Variants in TMEM101 observed in about 807,000 individuals in gnomAD.
The protein encoded by TMEM101 is putative NF-kappa-B-activating protein 130.
A neutral mutation model predicts 26.0 loss-of-function variants in TMEM101; 14 were observed. The ratio of observed to expected loss-of-function variants is 0.54; its 90% confidence interval spans 0.36 to 0.84. TMEM101 has a LOEUF of 0.84. Ranked by LOEUF, TMEM101 falls within the 40% of genes least tolerant of loss-of-function variation. The probability of loss-of-function intolerance (pLI) is 0.01; values close to 1 mark genes in which losing one functional copy is unlikely to be tolerated. For synonymous variants in TMEM101, 152 were observed against 145.1 expected (o/e 1.05, Z -0.34); for missense variants, 292 against 345.1 (o/e 0.85, Z 1.22).
intron 2 of TMEM101, 45 bp downstream of exon 2, chr17:44,014,312 C>A: frequency 6.5e-7 from 1 of 1,527,588 alleles, no homozygotes. Flanking sequence ...GCCTCTGATT[C>A]CCCGTCACCC....
At chr17:44,019,262 G>A (rs889166999), upstream of TMEM101, 2 of 403,590 alleles carry the variant, frequency 5.0e-6, no homozygotes, top group African/African-American at 4.2e-5. Context: ...TTCACCACCA[G>A]ACTGGGAAGC....
rs760023460 is a variant in TMEM101, at chr17:44,014,489, G to A, written c.186C>T (p.Ala62=). 1 of 1,568,098 alleles carries A rather than the reference G, an allele frequency of 6.4e-7. No homozygotes were observed. The highest frequency in any genetic ancestry group is 1.3e-5 in the African/African-American group (1 of 74,284). ...AGGACATGAAACTAGCGCACAGCACGGCTGCCCCCATGTCGAAATACAGGT... is the reference window on the plus strand; with the variant it reads ...AGGACATGAAACTAGCGCACAGCACAGCTGCCCCCATGTCGAAATACAGGT... ...VPYLYFDMGA[A]VLCASFMSFG... is the part of the protein sequence containing the mutation. Residue 62 remains alanine, a synonymous_variant, in exon 2 of 4, where the codon GCC becomes GCT. Transcript: ENST00000206380.
At position 44,012,940 on chromosome 17, in the gene TMEM101, G is replaced by A. The variant is rs539107192; in HGVS notation, c.465+69C>T. The A allele has an allele frequency of 1.5e-5, 22 of 1,443,700 alleles. 1 individual carries two copies. In the South Asian group the frequency reaches 3.3e-4, roughly 22 times the overall value. The allele number at this position is 1,443,700 out of a possible 1,614,324, so 89.4% of individuals were successfully genotyped here. A position where few individuals can be genotyped will look rare whatever the true frequency, so the allele number is the denominator to read the frequency against. On this transcript the variant is annotated intron_variant, in intron 3 of 3. Transcript: ENST00000206380. ...CTCGTTCTGTGTCTACCTTCCTGGG[G>A]TTCTGCCATGCCTAGACTCACAGTT...
chr17:44,021,056 G>T (rs532760238), intron 2 of TMEM101, among the ~76,000 whole-genome samples: 6 of 152,258 alleles, frequency 3.9e-5, no homozygotes, highest in Non-Finnish European at 5.9e-5. Flanking sequence ...TAGCTACAAG[G>T]TCAGCAGTCT....
chr17:44,011,888 A>C lies in TMEM101; in HGVS notation c.*40T>G. ...CAAGGAGGAAGGCAGGGTGACCCTC[A>C]GTGGCTCCCTGTGCCCATCTCAGCC... On this transcript the variant is annotated 3_prime_UTR_variant, in exon 4 of 4. Coordinates refer to ENST00000206380, the MANE Select transcript of TMEM101 (RefSeq NM_032376.4). 6.4e-7 allele frequency: 1 copy of C among 1,559,544 alleles called. No individual in the cohort carries two copies. The highest frequency in any genetic ancestry group is 1.2e-5 in the South Asian group (1 of 83,504).
intron 3 of TMEM101, chr17:44,012,549 A>G: frequency 4.9e-6 from 2 of 407,572 alleles, no homozygotes; most frequent in Non-Finnish European, 4.4e-6. Context: ...GGTAATTAAG[A>G]TAAGACCTAA....
rs2049201699 is a variant in TMEM101 at position 44,014,444 on chromosome 17, C to T, written c.231G>A (p.Trp77Ter). 1.9e-6 allele frequency: 3 copies of T among 1,558,796 alleles called. No homozygotes were observed. The highest frequency in any genetic ancestry group is 4.8e-5 in the East Asian group (2 of 41,900). The change falls in exon 2 of 4, where the codon TGG (tryptophan) becomes TGA (stop). Residue 77 changes from tryptophan (W) to a stop codon, truncating the protein, a stop_gained. Transcript: ENST00000206380. LOFTEE classifies it high-confidence loss of function. Reference sequence around the variant, plus strand: ...ATTGGAGTGCGGCCCCCAGCGCGAACCAGCGCCGCTTCACGCCAAAGGACA... The same window carrying T: ...ATTGGAGTGCGGCCCCCAGCGCGAATCAGCGCCGCTTCACGCCAAAGGACA... ...SFMSFGVKRR[W>*]FALGAALQLA...
At chr17:44,017,020 G>A (rs1485411692), upstream of TMEM101, among the ~76,000 whole-genome samples, 4 of 151,742 alleles carry the variant, frequency 2.6e-5, no homozygotes, top group African/African-American at 7.3e-5. Context: ...CAGCTACTCC[G>A]GGCGCCTGTA....
chr17:44,021,458 C>T (rs796821132), intron 1 of TMEM101: 1 of 152,234 alleles, frequency 6.6e-6, no homozygotes, highest in South Asian at 2.1e-4. Context: ...AGCAGAGACG[C>T]ATGAGCACCA....
upstream of TMEM101, among the ~76,000 whole-genome samples, chr17:44,016,958 C>A (rs2049238489): frequency 1.3e-5 from 2 of 151,690 alleles, no homozygotes; most frequent in African/African-American, 4.8e-5. Context: ...GATGGTGAAA[C>A]CCCGTCTCTA....
At chr17:44,022,501 G>T (rs978804636) in intron 1 of TMEM101, among the ~76,000 whole-genome samples, 3 of 152,230 alleles carry the variant, frequency 2.0e-5, no homozygotes, top group Non-Finnish European at 4.4e-5. Context: ...TCCTTTTCCA[G>T]CTTACATTTC....
chr17:44,012,671 TG>T, intron 3 of TMEM101: 1 of 412,636 alleles, frequency 2.4e-6, no homozygotes, highest in Non-Finnish European at 4.3e-6. Flanking sequence ...GAGTCCCAGC[TG>T]GGGCCTGACC....
upstream of TMEM101, among the ~76,000 whole-genome samples, chr17:44,019,031 C>T (rs2049260112): frequency 6.6e-6 from 1 of 152,124 alleles, no homozygotes; most frequent in Non-Finnish European, 1.5e-5. Context: ...CTGTGGTCCC[C>T]CCACTCCCAG....
In TMEM101 at chr17:44,014,429, G is replaced by T. The variant is rs2049201202; in HGVS notation, c.246C>A (p.Ala82=). 2 of 1,557,212 alleles carry T rather than the reference G, an allele frequency of 1.3e-6. No homozygotes were observed. Among genetic ancestry groups the T allele is most frequent in the Non-Finnish European group, 1.7e-6 (2 of 1,149,984 alleles). Reference sequence around the variant, plus strand: ...AGGTGCTAATGGCCAATTGGAGTGCGGCCCCCAGCGCGAACCAGCGCCGCT... The same window carrying T: ...AGGTGCTAATGGCCAATTGGAGTGCTGCCCCCAGCGCGAACCAGCGCCGCT... ...GVKRRWFALG[A]ALQLAISTYA... Residue 82 remains alanine, a synonymous_variant, in exon 2 of 4, where the codon GCC becomes GCA. Coordinates refer to ENST00000206380, the MANE Select transcript of TMEM101 (RefSeq NM_032376.4).
intron 2 of TMEM101, among the ~76,000 whole-genome samples, chr17:44,020,095 G>A (rs1353161370): frequency 6.6e-6 from 1 of 152,196 alleles, no homozygotes. Context: ...TTGTACCGGT[G>A]GCAGGGGAGA....
At position 44,011,877 on chromosome 17, in the gene TMEM101, G is replaced by A. The variant is rs767973738; in HGVS notation, c.*51C>T. 1.3e-6 allele frequency: 2 copies of A among 1,525,252 alleles called. No individual in the cohort carries two copies. The highest frequency in any genetic ancestry group is 1.4e-5 in the African/African-American group (1 of 73,162). 94.5% of individuals were successfully genotyped at this position (1,525,252 alleles called of 1,614,324 possible). The stretch of plus-strand genomic sequence containing the variant: ...AGCTGGGCCAGCAAGGAGGAAGGCA[G>A]GGTGACCCTCAGTGGCTCCCTGTGC... On this transcript the variant is annotated 3_prime_UTR_variant, in exon 4 of 4. Transcript: ENST00000206380.
chr17:44,014,266 G>A, intron 2 of TMEM101, 91 bp downstream of exon 2: 24 of 1,433,190 alleles, frequency 1.7e-5, no homozygotes, highest in Non-Finnish European at 2.3e-5. Flanking sequence ...CAGCTGGCCA[G>A]CACCATTCAT....
chr17:44,018,846 T>C (rs915685806), upstream of TMEM101, among the ~76,000 whole-genome samples: 10 of 152,114 alleles, frequency 6.6e-5, no homozygotes, highest in Non-Finnish European at 1.3e-4. Flanking sequence ...AGGGCTGAAG[T>C]CCCTCTCTAC....
chr17:44,021,010 T>C (rs2049279671), intron 2 of TMEM101, among the ~76,000 whole-genome samples: 1 of 152,208 alleles, frequency 6.6e-6, no homozygotes, highest in South Asian at 2.1e-4. Context: ...TTTTCATCTT[T>C]AGGAAATTGT....
Sources: gnomAD v4.1 joint callset for allele counts (sites outside exome capture counted in the v4.1 genomes callset) on GRCh38, gnomAD v4.1.1 for gene constraint, MANE v1.5 for transcripts, NCBI Gene and HGNC (gene_info 2026-07-23, HGNC 2026-07-21) for gene names.